The following PCDH15 variants were observed in gnomAD, a reference collection of about 807,000 sequenced individuals.
PCDH15 encodes the protein protocadherin related 15.
In PCDH15, 129 loss-of-function variants were observed where a neutral mutation model predicts 178.5. That is an observed-to-expected ratio of 0.72 (90% CI 0.63 to 0.84). The LOEUF is 0.84. Among genes scored for constraint, PCDH15 ranks in the 40% least tolerant of loss-of-function variants. The pLI is 0.00. For missense variants in PCDH15, 2,230 were observed against 2,099.9 expected, an observed-to-expected ratio of 1.06 and a Z score of -1.21; for synonymous variants, 800 against 732.0, an observed-to-expected ratio of 1.09 and a Z score of -1.50.
intron 1 of PCDH15, among the ~76,000 whole-genome samples, chr10:54,719,891 G>A (rs942073566): frequency 2.6e-5 from 4 of 152,056 alleles, no homozygotes; most frequent in African/African-American, 9.7e-5. Context: ...ATTCCATGGT[G>A]TGTATGTACC....
chr10:54,507,377 T>C (rs2081259756), intron 3 of PCDH15, among the ~76,000 whole-genome samples: 2 of 151,734 alleles, frequency 1.3e-5, no homozygotes, highest in Admixed American at 1.3e-4. Context: ...ACATCTCATA[T>C]GCATGCTTTT....
At chr10:54,184,519 CCTTTA>C (rs2048312130) in intron 12 of PCDH15, among the ~76,000 whole-genome samples, 1 of 151,896 alleles carries the variant, frequency 6.6e-6, no homozygotes, top group Admixed American at 6.6e-5. Flanking sequence ...ACTTTAATAA[CCTTTA>C]CTTTTTTTCC....
chr10:55,245,353 T>C (rs4537671), intron 1 of PCDH15, among the ~76,000 whole-genome samples: 1,621 of 152,150 alleles, frequency 0.011, 40 homozygotes, highest in African/African-American at 0.037. Flanking sequence ...AACAAAGTAA[T>C]TAAAAATAAC....
chr10:54,699,998 A>G (rs1932596), intron 1 of PCDH15, among the ~76,000 whole-genome samples: 1 of 151,806 alleles, frequency 6.6e-6, no homozygotes, highest in Non-Finnish European at 1.5e-5. Flanking sequence ...AAAATCCTTA[A>G]CCTCTCCATT....
At chr10:55,509,275 G>T (rs977924297) in intron 2 of PCDH15, among the ~76,000 whole-genome samples, 1 of 151,756 alleles carries the variant, frequency 6.6e-6, no homozygotes, top group Non-Finnish European at 1.5e-5. Flanking sequence ...GCAATACAGT[G>T]TTGAAAGGTG....
intron 1 of PCDH15, among the ~76,000 whole-genome samples, chr10:55,319,047 CAA>C (rs1308589504): frequency 2.3e-5 from 2 of 88,370 alleles, no homozygotes; most frequent in Middle Eastern, 5.0e-3. Context: ...AGAAAACAAA[CAA>C]AACACACACA....
At chr10:55,434,353 G>A (rs1054117211) in intron 2 of PCDH15, among the ~76,000 whole-genome samples, 2 of 151,692 alleles carry the variant, frequency 1.3e-5, no homozygotes, top group Admixed American at 1.3e-4. Flanking sequence ...ACCACGCCCG[G>A]CCAATTCTCC....
At chr10:55,198,356 C>T (rs754874637) in intron 1 of PCDH15, among the ~76,000 whole-genome samples, 15 of 152,032 alleles carry the variant, frequency 9.9e-5, no homozygotes, top group Non-Finnish European at 1.5e-4. Flanking sequence ...ATTCAGGGGG[C>T]GGACTTCCCC....
At chr10:54,049,285 T>A (rs1396752947) in intron 18 of PCDH15, among the ~76,000 whole-genome samples, 2 of 152,200 alleles carry the variant, frequency 1.3e-5, no homozygotes, top group Non-Finnish European at 2.9e-5. Flanking sequence ...CTTTAGGGTT[T>A]TCTAGGTATA....
chr10:55,175,967 A>G (rs1375602488), intron 1 of PCDH15, among the ~76,000 whole-genome samples: 1 of 152,034 alleles, frequency 6.6e-6, no homozygotes, highest in Non-Finnish European at 1.5e-5. Flanking sequence ...GGACCACTGT[A>G]GGGTGGACTG....
chr10:55,585,009 A>G (rs1842697307), intron 2 of PCDH15, among the ~76,000 whole-genome samples: 1 of 151,110 alleles, frequency 6.6e-6, no homozygotes, highest in Non-Finnish European at 1.5e-5. Flanking sequence ...ATTTTTTCAT[A>G]TTCTATTCAG....
At chr10:53,859,072 TA>T (rs1370844326) in intron 27 of PCDH15, among the ~76,000 whole-genome samples, 2 of 151,334 alleles carry the variant, frequency 1.3e-5, no homozygotes, top group African/African-American at 4.9e-5. Flanking sequence ...CAGAAACGGT[TA>T]AAAAAAAGTT....
rs1419805077 is a variant in PCDH15 at position 55,098,922 on chromosome 10, GA to G, written c.-80+67653del. ...AGAGAGAGAGAGAGAGAGAGAGAGA[GA>G]GAGAGAGAGAGCTCTTATCCTTTCT... On this transcript the variant is annotated intron_variant, in intron 2 of 5. Transcript: ENST00000458638. Among the ~76,000 whole-genome samples the G allele has an allele frequency of 5.8e-4, 85 of 146,930 alleles. No homozygotes were observed. In the East Asian group the frequency reaches 0.015, roughly 26 times the overall value.
chr10:54,103,703 G>A (rs2094855631), intron 15 of PCDH15, among the ~76,000 whole-genome samples: 1 of 152,088 alleles, frequency 6.6e-6, no homozygotes, highest in South Asian at 2.1e-4. Context: ...GCTCAGAGTT[G>A]GCTCTCTTTT....
chr10:54,067,010 C>T, intron 17 of PCDH15, 125 bp from the exon 18 acceptor site: 1 of 802,142 alleles, frequency 1.2e-6, no homozygotes, highest in Non-Finnish European at 1.8e-6. Context: ...CCTTAGCTTT[C>T]CAAAAAATAA....
At chr10:55,195,560 G>T (rs1840070106) in intron 1 of PCDH15, among the ~76,000 whole-genome samples, 1 of 150,718 alleles carries the variant, frequency 6.6e-6, no homozygotes, top group Non-Finnish European at 1.5e-5. Context: ...GGAGGCTGAG[G>T]CAGAGAATTT....
intron 3 of PCDH15, among the ~76,000 whole-genome samples, chr10:54,496,360 C>T (rs1439689720): frequency 6.6e-6 from 1 of 152,078 alleles, no homozygotes; most frequent in Non-Finnish European, 1.5e-5. Flanking sequence ...CTTGCTGCTT[C>T]CACCTTCCTC....
chr10:55,586,151 T>A (rs890357152), intron 2 of PCDH15, among the ~76,000 whole-genome samples: 1 of 152,096 alleles, frequency 6.6e-6, no homozygotes, highest in Non-Finnish European at 1.5e-5. Context: ...ATGACATAGG[T>A]ACTATGATTA....
chr10:55,358,952 G>C (rs1298179332), intron 2 of PCDH15, among the ~76,000 whole-genome samples: 3 of 152,090 alleles, frequency 2.0e-5, no homozygotes, highest in Admixed American at 1.3e-4. Flanking sequence ...AGCGCTTTAA[G>C]AGGCTGAAAT....
Sources: gnomAD v4.1 joint callset for allele counts (sites outside exome capture counted in the v4.1 genomes callset) on GRCh38, gnomAD v4.1.1 for gene constraint, MANE v1.5 for transcripts, NCBI Gene and HGNC (gene_info 2026-07-23, HGNC 2026-07-21) for gene names.